CDH13: variants seen among roughly 807,000 people sequenced by gnomAD.
The protein encoded by CDH13 is cadherin-13.
Under a neutral mutation model 63.8 loss-of-function variants are expected in CDH13, and 24 were observed. That is an observed-to-expected ratio of 0.38 (90% CI 0.27 to 0.53). The LOEUF is 0.53. Among genes scored for constraint, CDH13 ranks in the 20% least tolerant of loss-of-function variants. CDH13 has a pLI of 0.85. For synonymous variants in CDH13, 503 were observed against 355.3 expected (o/e 1.42, Z -4.67); for missense variants, 1,049 against 903.1 (o/e 1.16, Z -2.07).
rs77426462 is a variant in CDH13 at position 83,377,458 on chromosome 16, C to A, written c.781+32452C>A. ...TAGTTTCCCTTCCTCCTGGGGTTTC[C>A]TCTTTGATGGGACTGTCAAACTCTT... On this transcript the variant is annotated intron_variant, in intron 6 of 13. Coordinates refer to ENST00000567109, the MANE Select transcript of CDH13 (RefSeq NM_001257.5). Among the ~76,000 whole-genome samples the A allele has an allele frequency of 3.6e-3, 551 of 152,220 alleles. 3 individuals carry two copies. Among genetic ancestry groups the A allele is most frequent in the African/African-American group, 0.013 (528 of 41,528 alleles).
chr16:83,256,757 A>G (rs932189659), intron 5 of CDH13, among the ~76,000 whole-genome samples: 2 of 149,826 alleles, frequency 1.3e-5, no homozygotes, highest in Non-Finnish European at 3.0e-5. Flanking sequence ...AGGCAGGAGA[A>G]TGGCATGAAC....
intron 2 of CDH13, among the ~76,000 whole-genome samples, chr16:82,868,680 A>T (rs2040239104): frequency 6.6e-6 from 1 of 152,242 alleles, no homozygotes; most frequent in South Asian, 2.1e-4. Context: ...TCACACTGTC[A>T]GCCTTTGGGC....
chr16:83,080,494 C>T (rs185436430), intron 3 of CDH13, among the ~76,000 whole-genome samples: 68 of 152,302 alleles, frequency 4.5e-4, no homozygotes, highest in Non-Finnish European at 1.0e-4. Context: ...CCACTGAACA[C>T]TTTGCATGCA....
chr16:83,021,560 G>A (rs1258244643), intron 2 of CDH13, among the ~76,000 whole-genome samples: 3 of 152,218 alleles, frequency 2.0e-5, no homozygotes, highest in Non-Finnish European at 4.4e-5. Flanking sequence ...GCCCTTAAGG[G>A]TTACATGGCA....
At chr16:82,967,482 C>A (rs1162188480) in intron 2 of CDH13, among the ~76,000 whole-genome samples, 1 of 152,176 alleles carries the variant, frequency 6.6e-6, no homozygotes, top group Non-Finnish European at 1.5e-5. Flanking sequence ...AGTAAGCAGT[C>A]CCTAAAGCTA....
At position 82,686,501 on chromosome 16, in the gene CDH13, G is replaced by A. The variant is rs557145300; in HGVS notation, c.45+59364G>A. Reference sequence around the variant, plus strand: ...GCAGGCTCGGCTTTTCCCAGAGGCAGCAGTGCGATGCATGGGTCACAGAAT... The same window carrying A: ...GCAGGCTCGGCTTTTCCCAGAGGCAACAGTGCGATGCATGGGTCACAGAAT... On this transcript the variant is annotated intron_variant, in intron 1 of 13. Coordinates refer to ENST00000567109, the MANE Select transcript of CDH13 (RefSeq NM_001257.5). Among the ~76,000 whole-genome samples the A allele has an allele frequency of 3.3e-5, 5 of 152,322 alleles. No homozygotes were observed. In the South Asian group the frequency reaches 1.0e-3, roughly 32 times the overall value.
In CDH13 at chr16:82,818,328, C is replaced by G. The variant is rs150276477; in HGVS notation, c.46-40034C>G. On this transcript the variant is annotated intron_variant, in intron 1 of 13. Coordinates refer to ENST00000567109, the MANE Select transcript of CDH13 (RefSeq NM_001257.5). ...GTGAAGCTGATATTCAAACTAAGGACTAAAAGATAAAAAAGACCACTTTCT... is the reference window on the plus strand; with the variant it reads ...GTGAAGCTGATATTCAAACTAAGGAGTAAAAGATAAAAAAGACCACTTTCT... Among the ~76,000 whole-genome samples the G allele has an allele frequency of 4.0e-3, 607 of 152,058 alleles. 5 individuals carry two copies. Among genetic ancestry groups the G allele is most frequent in the African/African-American group, 0.014 (582 of 41,490 alleles).
At chr16:83,303,088 G>A (rs779570246) in intron 5 of CDH13, among the ~76,000 whole-genome samples, 6 of 152,182 alleles carry the variant, frequency 3.9e-5, no homozygotes, top group Admixed American at 2.6e-4. Context: ...GAGACAAGGG[G>A]CATCTCTTTT....
intron 7 of CDH13, among the ~76,000 whole-genome samples, chr16:83,540,277 T>G (rs2075275310): frequency 6.6e-6 from 1 of 152,082 alleles, no homozygotes; most frequent in Non-Finnish European, 1.5e-5. Flanking sequence ...GCCAAACTGG[T>G]CTTCATAAAT....
chr16:82,697,376 C>G lies in CDH13; in HGVS notation c.45+70239C>G, dbSNP rs550649343. 2.4e-4 allele frequency among the ~76,000 whole-genome samples: 36 copies of G among 151,420 alleles called. No individual in the cohort carries two copies. In the East Asian group the frequency reaches 3.7e-3, roughly 16 times the overall value. The stretch of plus-strand genomic sequence containing the variant: ...TGTCACTCTCACCCCAGACTATCCT[C>G]CAACATCCTTTAATCACCTTTAAGG... On this transcript the variant is annotated intron_variant, in intron 1 of 13. Coordinates refer to ENST00000567109, the MANE Select transcript of CDH13 (RefSeq NM_001257.5).
At chr16:83,270,699 A>C (rs921320946) in intron 5 of CDH13, among the ~76,000 whole-genome samples, 2 of 152,144 alleles carry the variant, frequency 1.3e-5, no homozygotes, top group African/African-American at 4.8e-5. Flanking sequence ...ATATTTTTCA[A>C]GACACGTTCC....
At chr16:83,356,450 T>C (rs1232002032) in intron 6 of CDH13, among the ~76,000 whole-genome samples, 4 of 152,076 alleles carry the variant, frequency 2.6e-5, no homozygotes, top group African/African-American at 9.7e-5. Flanking sequence ...TGCTGAGCCA[T>C]CCATCAGTCA....
At chr16:83,250,319 C>A (rs773516875) in intron 5 of CDH13, among the ~76,000 whole-genome samples, 12 of 152,076 alleles carry the variant, frequency 7.9e-5, no homozygotes, top group Non-Finnish European at 1.5e-4. Flanking sequence ...TTATGCCAGC[C>A]ACCGTTCCAA....
At chr16:82,890,585 CA>C (rs2041045599) in intron 2 of CDH13, among the ~76,000 whole-genome samples, 1 of 151,322 alleles carries the variant, frequency 6.6e-6, no homozygotes, top group Non-Finnish European at 1.5e-5. Flanking sequence ...GGTCTTCTTA[CA>C]TTTGTAACAT....
chr16:82,974,589 A>G lies in CDH13; in HGVS notation c.158-57421A>G, dbSNP rs1418485050. Reference sequence around the variant, plus strand: ...CAAAAGGGACTTTGCAGATGTAATTAGATTAAAATTTTTGAGATTGAGAGA... The same window carrying G: ...CAAAAGGGACTTTGCAGATGTAATTGGATTAAAATTTTTGAGATTGAGAGA... On this transcript the variant is annotated intron_variant, in intron 2 of 13. Transcript: ENST00000567109. 1.3e-5 allele frequency among the ~76,000 whole-genome samples: 2 copies of G among 152,138 alleles called. 1 individual carries two copies. The highest frequency in any genetic ancestry group is 1.3e-4 in the Admixed American group (2 of 15,276).
At chr16:83,693,607 T>C (rs1905099566) in intron 10 of CDH13, among the ~76,000 whole-genome samples, 1 of 152,238 alleles carries the variant, frequency 6.6e-6, no homozygotes, top group Non-Finnish European at 1.5e-5. Context: ...TGCTGTTTGC[T>C]TGCCTGTAAG....
chr16:83,076,512 T>C (rs992312543), intron 3 of CDH13, among the ~76,000 whole-genome samples: 2 of 152,294 alleles, frequency 1.3e-5, no homozygotes, highest in Admixed American at 1.3e-4. Flanking sequence ...TATTTTATTG[T>C]GAACATTTTC....
At chr16:83,310,492 C>T (rs1343785149) in intron 5 of CDH13, among the ~76,000 whole-genome samples, 1 of 152,158 alleles carries the variant, frequency 6.6e-6, no homozygotes, top group Non-Finnish European at 1.5e-5. Flanking sequence ...GAGGAGAACA[C>T]TGAAGATTCA....
At chr16:82,837,358 A>C (rs1249080743) in intron 1 of CDH13, among the ~76,000 whole-genome samples, 1 of 152,176 alleles carries the variant, frequency 6.6e-6, no homozygotes, top group Non-Finnish European at 1.5e-5. Flanking sequence ...TTTCTGGCAC[A>C]GAACAAATGA....
Sources: gnomAD v4.1 joint callset for allele counts (sites outside exome capture counted in the v4.1 genomes callset) on GRCh38, gnomAD v4.1.1 for gene constraint, MANE v1.5 for transcripts, NCBI Gene and HGNC (gene_info 2026-07-23, HGNC 2026-07-21) for gene names.